STK26: variants seen among roughly 807,000 people sequenced by gnomAD.
STK26 encodes serine/threonine kinase 26, also known as serine/threonine-protein kinase 26.
In STK26, 14 loss-of-function variants were observed where a neutral mutation model predicts 34.7. The ratio of observed to expected loss-of-function variants is 0.40; its 90% confidence interval spans 0.27 to 0.63. The LOEUF is 0.63. STK26 is among the 30% of genes least tolerant of loss of function. STK26 has a pLI of 0.38. For synonymous variants in STK26, 100 were observed against 109.8 expected (o/e 0.91, Z 0.56); for missense variants, 226 against 309.1 (o/e 0.73, Z 2.02).
rs1333328453 is a variant in STK26, at chrX:132,068,200, G to A, written c.331-15G>A. 5 of 1,162,256 alleles carry A rather than the reference G, an allele frequency of 4.3e-6. No individual in the cohort carries two copies. The highest frequency in any genetic ancestry group is 4.6e-6 in the Non-Finnish European group (4 of 864,408). The stretch of plus-strand genomic sequence containing the variant: ...TACACATATGTGTATGTGTGTGTGT[G>A]TTTTTCCCCTTAAGCTTCGAGCTGG... On this transcript the variant is annotated splice_polypyrimidine_tract_variant and intron_variant, in intron 4 of 11. Transcript: ENST00000394334.
At chrX:132,072,727 C>T (rs1378082718) in intron 9 of STK26, 86 bp from the exon 10 acceptor site, 19 of 985,984 alleles carry the variant, frequency 1.9e-5, no homozygotes, top group Non-Finnish European at 2.0e-5. Flanking sequence ...GTAGGGGATT[C>T]AAATTAGTTC....
chrX:132,040,241 T>TAAAGA (rs1926213164), intron 2 of STK26, among the ~76,000 whole-genome samples: 1 of 112,924 alleles, frequency 8.9e-6, no homozygotes, highest in East Asian at 2.8e-4. Context: ...CTTGGGGCAT[T>TAAAGA]AAGCCCGACT....
chrX:132,046,070 G>A (rs1007155828), intron 2 of STK26, among the ~76,000 whole-genome samples: 2 of 111,542 alleles, frequency 1.8e-5, no homozygotes, highest in Admixed American at 9.5e-5. Context: ...ATTTTTCTTT[G>A]GAAAAATGTG....
At chrX:132,029,938 A>C (rs1224460565) in intron 2 of STK26, among the ~76,000 whole-genome samples, 1 of 111,840 alleles carries the variant, frequency 8.9e-6, no homozygotes, top group Non-Finnish European at 1.9e-5. Flanking sequence ...GGTGGGGACC[A>C]TGTATTTCAC....
At chrX:132,054,246 A>G (rs998149900) in intron 2 of STK26, among the ~76,000 whole-genome samples, 5 of 112,438 alleles carry the variant, frequency 4.4e-5, no homozygotes, top group African/African-American at 1.6e-4. Context: ...AGAATGTTAG[A>G]AACTTAAACA....
Position 132,074,568 on chromosome X carries a change from T to TAAA in STK26, c.*416_*418dup, listed in dbSNP as rs201033420. The TAAA allele has an allele frequency of 1.8e-4, 19 of 105,609 alleles. No homozygotes were observed. Among genetic ancestry groups the TAAA allele is most frequent in the Non-Finnish European group, 2.7e-4 (14 of 52,276 alleles). 8.7% of individuals were successfully genotyped at this position (105,609 alleles called of 1,213,427 possible). A position where few individuals can be genotyped will look rare whatever the true frequency, so the allele number is the denominator to read the frequency against. ...TCAAGCTTCAAAAAGCTTTTTTTTT[T>TAAA]AAAAAAAAACATGCATATTCTAAAA... On this transcript the variant is annotated 3_prime_UTR_variant, in exon 12 of 12. Transcript: ENST00000394334.
chrX:132,030,926 C>T (rs777779048), intron 2 of STK26, among the ~76,000 whole-genome samples: 21 of 110,516 alleles, frequency 1.9e-4, no homozygotes, highest in Admixed American at 1.8e-3. Flanking sequence ...TTATACATAT[C>T]TATGGGATAC....
Position 132,074,196 on chromosome X carries a change from G to A in STK26, c.*37G>A. ...TTGGCTTCTGTTTCATATGGACCCAGAGAGCCCCACCAAACCTACGTCAAG... is the reference window on the plus strand; with the variant it reads ...TTGGCTTCTGTTTCATATGGACCCAAAGAGCCCCACCAAACCTACGTCAAG... On this transcript the variant is annotated 3_prime_UTR_variant, in exon 12 of 12. Transcript: ENST00000394334. 8.4e-7 allele frequency: 1 copy of A among 1,183,573 alleles called. No individual in the cohort carries two copies. The highest frequency in any genetic ancestry group is 1.8e-5 in the African/African-American group (1 of 56,914).
At chrX:132,072,771 T>G in intron 9 of STK26, 42 bp from the exon 10 acceptor site, 1 of 1,142,285 alleles carries the variant, frequency 8.8e-7, no homozygotes, top group South Asian at 1.9e-5. Context: ...TCATGACACT[T>G]ATTTTAATTT....
At chrX:132,070,196 T>C (rs1927370324) in intron 7 of STK26, among the ~76,000 whole-genome samples, 1 of 109,965 alleles carries the variant, frequency 9.1e-6, no homozygotes, top group African/African-American at 3.3e-5. Flanking sequence ...CATGCCTGGC[T>C]AATTTTTGTA....
chrX:132,027,021 A>C (rs989074743), intron 2 of STK26, among the ~76,000 whole-genome samples: 5 of 112,432 alleles, frequency 4.4e-5, no homozygotes, highest in African/African-American at 1.6e-4. Context: ...AAGATCTTAA[A>C]ATCTTGTTGA....
At position 132,071,202 on chromosome X, in the gene STK26, C is replaced by T. The variant is rs1462866157; in HGVS notation, c.917C>T (p.Ser306Phe). ...GGACACAGTGATGATGAATCTGATT[C>T]CGAGGGCTCTGATTCGTATGTACAA... Reference protein sequence around the residue: ...AEGHSDDESDSEGSDSESTSR... With the variant: ...AEGHSDDESDFEGSDSESTSR... The change falls in exon 8 of 12, where the codon TCC (serine) becomes TTC (phenylalanine). Residue 306 changes from serine to phenylalanine, a missense_variant. By Grantham distance (155) the Ser-to-Phe change is radical. Around this residue, in one of 2 missense-constraint regions of STK26, gnomAD observed 126 missense variants for 132.4 expected, o/e 0.95. Transcript: ENST00000394334. 2.5e-6 allele frequency: 3 copies of T among 1,209,011 alleles called. No individual in the cohort carries two copies. Among genetic ancestry groups the T allele is most frequent in the Non-Finnish European group, 3.4e-6 (3 of 894,233 alleles).
intron 7 of STK26, among the ~76,000 whole-genome samples, chrX:132,070,069 T>C (rs1927366838): frequency 9.0e-6 from 1 of 110,729 alleles, no homozygotes. Flanking sequence ...GATGGAGCCT[T>C]GCTCTGTTGC....
At chrX:132,029,058 G>A (rs1925726165) in intron 2 of STK26, among the ~76,000 whole-genome samples, 1 of 112,039 alleles carries the variant, frequency 8.9e-6, no homozygotes, top group South Asian at 3.7e-4. Context: ...AGAAGGCGGG[G>A]TTAGTTAGAA....
chrX:132,063,172 A>G (rs1168603320), intron 3 of STK26, among the ~76,000 whole-genome samples: 1 of 111,172 alleles, frequency 9.0e-6, no homozygotes, highest in Non-Finnish European at 1.9e-5. Flanking sequence ...ATCAAATACT[A>G]GATCTTACTC....
At chrX:132,034,622 T>C (rs927780975) in intron 2 of STK26, among the ~76,000 whole-genome samples, 3 of 111,908 alleles carry the variant, frequency 2.7e-5, no homozygotes, top group Admixed American at 9.5e-5. Flanking sequence ...ACTCAGTCCA[T>C]AACAAGGAGG....
intron 3 of STK26, among the ~76,000 whole-genome samples, chrX:132,060,798 G>A (rs1294400471): frequency 1.8e-5 from 2 of 108,559 alleles, no homozygotes; most frequent in Non-Finnish European, 3.8e-5. Context: ...TGCACTTTTT[G>A]TAGAGATGAG....
intron 2 of STK26, among the ~76,000 whole-genome samples, chrX:132,032,813 T>C (rs146743422): frequency 9.0e-6 from 1 of 111,466 alleles, no homozygotes; most frequent in African/African-American, 3.3e-5. Flanking sequence ...CTAGATGTGT[T>C]AGGAAATTTC....
At chrX:132,063,780 C>T (rs1385257811) in intron 4 of STK26, among the ~76,000 whole-genome samples, 1 of 111,778 alleles carries the variant, frequency 8.9e-6, no homozygotes. Flanking sequence ...CAAAGTTTGA[C>T]TTTTGCAAGC....
Sources: gnomAD v4.1 joint callset for allele counts (sites outside exome capture counted in the v4.1 genomes callset) on GRCh38, gnomAD v4.1.1 for gene constraint, gnomAD v4.1.1 regional missense constraint, MANE v1.5 for transcripts, NCBI Gene and HGNC (gene_info 2026-07-23, HGNC 2026-07-21) for gene names.